The following PARD3B variants were observed in gnomAD, a reference collection of about 807,000 sequenced individuals.
PARD3B encodes partitioning defective 3 homolog B.
PARD3B carries 103 observed loss-of-function variants against 130.2 expected under a neutral mutation model. The observed-to-expected ratio is 0.79, with a 90% CI of 0.67 to 0.93. The LOEUF (loss-of-function observed/expected upper bound fraction) is 0.93, where lower values mean the gene tolerates loss of function less well. Among genes scored for constraint, PARD3B ranks in the 40% least tolerant of loss-of-function variants. The probability of loss-of-function intolerance (pLI) is 0.00; values close to 1 mark genes in which losing one functional copy is unlikely to be tolerated. For missense variants in PARD3B, 1,609 were observed against 1,499.2 expected, an observed-to-expected ratio of 1.07 and a Z score of -1.21; for synonymous variants, 583 against 553.2, an observed-to-expected ratio of 1.05 and a Z score of -0.76.
At chr2:205,294,884 G>T (rs2041732935) in intron 16 of PARD3B, among the ~76,000 whole-genome samples, 1 of 152,154 alleles carries the variant, frequency 6.6e-6, no homozygotes, top group African/African-American at 2.4e-5. Context: ...ACTGTGATAA[G>T]CTTGGAATGA....
At position 205,142,826 on chromosome 2, in the gene PARD3B, C is replaced by T. The variant is rs1039759251; in HGVS notation, c.1435-15896C>T. ...CCGGGAGGCAGAGGTTGCAGTGAGC[C>T]GAGATCACGCCATTGCACTCCAGCC... On this transcript the variant is annotated intron_variant, in intron 10 of 22. Transcript: ENST00000406610. This position sits in a 1 kb window ranked among gnomAD's most constrained non-coding sequence, Gnocchi z 4.3. Among the ~76,000 whole-genome samples, 2 of 151,692 alleles carry T rather than the reference C, an allele frequency of 1.3e-5. No individual in the cohort carries two copies. The highest frequency in any genetic ancestry group is 6.6e-5 in the Admixed American group (1 of 15,212).
intron 20 of PARD3B, among the ~76,000 whole-genome samples, chr2:205,444,900 A>G (rs932851835): frequency 1.3e-5 from 2 of 152,226 alleles, no homozygotes; most frequent in Admixed American, 6.5e-5. Context: ...TTGGCCACTA[A>G]AAGGTCATCA....
intron 1 of PARD3B, among the ~76,000 whole-genome samples, chr2:204,557,468 C>G (rs987623139): frequency 2.6e-5 from 4 of 152,174 alleles, no homozygotes; most frequent in Non-Finnish European, 5.9e-5. Context: ...TCTGCTTCCT[C>G]CTTATCGTCT....
intron 2 of PARD3B, among the ~76,000 whole-genome samples, chr2:204,820,069 G>C (rs2043284399): frequency 1.0e-5 from 1 of 99,122 alleles, no homozygotes; most frequent in Non-Finnish European, 1.8e-5. Context: ...TTAAACAATA[G>C]ACTTTTTTTT....
intron 20 of PARD3B, among the ~76,000 whole-genome samples, chr2:205,464,440 T>C (rs2048555451): frequency 6.6e-6 from 1 of 152,118 alleles, no homozygotes; most frequent in African/African-American, 2.4e-5. Flanking sequence ...GACCACACAA[T>C]CTAGTGGGGG....
chr2:204,635,246 G>A (rs7590330), intron 1 of PARD3B, among the ~76,000 whole-genome samples: 6 of 152,004 alleles, frequency 3.9e-5, no homozygotes, highest in Admixed American at 6.5e-5. Flanking sequence ...TCCCCCGGAC[G>A]AGGATCAGCT....
At chr2:205,406,862 G>A (rs911027237) in intron 19 of PARD3B, among the ~76,000 whole-genome samples, 4 of 151,376 alleles carry the variant, frequency 2.6e-5, no homozygotes, top group Non-Finnish European at 5.9e-5. Context: ...GTAGAGATGG[G>A]GTTTCATCAT....
At chr2:205,336,589 A>C (rs1455416139) in intron 18 of PARD3B, among the ~76,000 whole-genome samples, 1 of 152,202 alleles carries the variant, frequency 6.6e-6, no homozygotes, top group Non-Finnish European at 1.5e-5. Context: ...AGTCTGGTGA[A>C]TTTGGGACAC....
At chr2:204,646,329 A>C (rs1252534134) in intron 1 of PARD3B, among the ~76,000 whole-genome samples, 1 of 151,896 alleles carries the variant, frequency 6.6e-6, no homozygotes, top group Admixed American at 6.6e-5. Flanking sequence ...TTCCTACCTA[A>C]TGTAGGACTC....
At chr2:205,373,156 TATA>T (rs2044889853) in intron 18 of PARD3B, among the ~76,000 whole-genome samples, 1 of 152,192 alleles carries the variant, frequency 6.6e-6, no homozygotes, top group African/African-American at 2.4e-5. Context: ...AGTGCTGAGA[TATA>T]GTCTAAGATG....
Position 205,474,390 on chromosome 2 carries a change from T to A in PARD3B, c.3045-25506T>A, listed in dbSNP as rs1397784648. Among the ~76,000 whole-genome samples the A allele has an allele frequency of 1.4e-4, 22 of 152,178 alleles. 1 individual carries two copies. Among genetic ancestry groups the A allele is most frequent in the Admixed American group, 1.4e-3 (21 of 15,262 alleles). Reference sequence around the variant, plus strand: ...GCATATAAAATATATCATTTGTGCATGCATATAGTGCTCACACACACATAT... The same window carrying A: ...GCATATAAAATATATCATTTGTGCAAGCATATAGTGCTCACACACACATAT... On this transcript the variant is annotated intron_variant, in intron 20 of 22. Transcript: ENST00000406610.
In PARD3B at chr2:205,269,243, C is replaced by T. The variant is rs1445531235; in HGVS notation, c.2185+23421C>T. The stretch of plus-strand genomic sequence containing the variant: ...TTCTAATTCCTCAATGTTAAGTTCT[C>T]AATGATTAAAGGTGCCTTGAGTATT... On this transcript the variant is annotated intron_variant, in intron 16 of 22. Transcript: ENST00000406610. The surrounding 1 kb of genome is among the most constrained non-coding windows in gnomAD (Gnocchi z 4.7). Among the ~76,000 whole-genome samples the T allele has an allele frequency of 6.6e-6, 1 of 152,110 alleles. No individual in the cohort carries two copies.
At chr2:204,908,823 T>A (rs1289827971) in intron 2 of PARD3B, among the ~76,000 whole-genome samples, 1 of 152,224 alleles carries the variant, frequency 6.6e-6, no homozygotes, top group Non-Finnish European at 1.5e-5. Context: ...AAGAGATGTT[T>A]ACTTTTTCTG....
chr2:205,188,271 G>T (rs2036204718), intron 14 of PARD3B, among the ~76,000 whole-genome samples: 1 of 152,228 alleles, frequency 6.6e-6, no homozygotes. Context: ...GGAAACCAGG[G>T]ATGGGAAAGA....
intron 16 of PARD3B, among the ~76,000 whole-genome samples, chr2:205,257,385 C>T (rs1361235533): frequency 6.6e-6 from 1 of 150,608 alleles, no homozygotes; most frequent in East Asian, 1.9e-4. Context: ...AAAAAAAAGA[C>T]AGTTTGGTTT....
chr2:204,953,488 G>A (rs236830), intron 2 of PARD3B, among the ~76,000 whole-genome samples: 81,624 of 150,136 alleles, frequency 0.54, 23,240 homozygotes, highest in East Asian at 0.76. Context: ...GAAAGCACCA[G>A]AGTTTAATTC....
intron 4 of PARD3B, among the ~76,000 whole-genome samples, chr2:205,075,968 T>C (rs937014662): frequency 6.6e-6 from 1 of 152,176 alleles, no homozygotes; most frequent in Admixed American, 6.5e-5. Context: ...TATGAAATTA[T>C]ATATTTTATA....
At chr2:205,455,444 T>G (rs1027675778) in intron 20 of PARD3B, among the ~76,000 whole-genome samples, 2 of 152,138 alleles carry the variant, frequency 1.3e-5, no homozygotes, top group Non-Finnish European at 2.9e-5. Context: ...TGTGAGCATT[T>G]ACACCATTTT....
chr2:205,326,375 A>T (rs1291732984), intron 18 of PARD3B, among the ~76,000 whole-genome samples: 1 of 152,188 alleles, frequency 6.6e-6, no homozygotes, highest in Non-Finnish European at 1.5e-5. Context: ...TTGACAATTG[A>T]ATTTTTTGGT....
Sources: allele counts gnomAD v4.1 joint callset (sites outside exome capture counted in the v4.1 genomes callset), GRCh38; gene constraint gnomAD v4.1.1; non-coding constraint Gnocchi (gnomAD v3.1); transcripts MANE v1.5; gene names NCBI Gene and HGNC (gene_info 2026-07-23, HGNC 2026-07-21).